Variants in EGR4 observed in about 807,000 individuals in gnomAD.
EGR4 encodes the protein early growth response protein 4.
In EGR4, 22 loss-of-function variants were observed where a neutral mutation model predicts 25.4. The observed-to-expected ratio is 0.87, with a 90% CI of 0.62 to 1.24. EGR4 has a LOEUF of 1.24. Ranked by LOEUF, EGR4 falls within the 50% of genes most tolerant of loss-of-function variation. The pLI is 0.00. For missense variants in EGR4, 742 were observed against 702.9 expected (o/e 1.06, Z -0.63); for synonymous variants, 375 against 320.1 (o/e 1.17, Z -1.83).
In EGR4 at chr2:73,292,525, A is replaced by T. The variant is rs961103430; in HGVS notation, c.393T>A (p.Pro131=). Residue 131 remains proline, a synonymous_variant, in exon 2 of 2, where the codon CCT becomes CCA. Coordinates refer to ENST00000436467, the MANE Select transcript of EGR4 (RefSeq NM_001965.4). ...ASRSPLDAPF[P]AGSDALLPGP... The stretch of plus-strand genomic sequence containing the variant: ...CCGGCAGCAAGGCATCGGACCCCGC[A>T]GGAAAAGGGGCATCCAGCGGGGATC... 6.6e-7 allele frequency: 1 copy of T among 1,517,960 alleles called. No homozygotes were observed. The highest frequency in any genetic ancestry group is 1.4e-5 in the African/African-American group (1 of 71,624). 94.0% of individuals were successfully genotyped at this position (1,517,960 alleles called of 1,614,324 possible).
Position 73,291,479 on chromosome 2 carries a change from C to T in EGR4, c.1439G>A (p.Gly480Asp), listed in dbSNP as rs1689097273. The T allele has an allele frequency of 6.2e-7, 1 of 1,607,670 alleles. No individual in the cohort carries two copies. The highest frequency in any genetic ancestry group is 1.3e-5 in the African/African-American group (1 of 74,826). The change falls in exon 2 of 2, where the codon GGC (glycine) becomes GAC (aspartate). Residue 480 changes from glycine (G) to aspartate (D), a missense_variant. Gly to Asp is a moderately conservative substitution (Grantham distance 94). Coordinates refer to ENST00000436467, the MANE Select transcript of EGR4 (RefSeq NM_001965.4). Reference protein sequence around the residue: ...RLKGLGFYSLGLSFASL With the variant: ...RLKGLGFYSLDLSFASL ...TGCTCAGAGAGAAGCGAAGGAGAGG[C>T]CCAGCGAGTAAAAGCCGAGGCCCTT... is the stretch of plus-strand genomic sequence containing the variant.
At position 73,291,225 on chromosome 2, in the gene EGR4, C is replaced by A; in HGVS notation, c.*232G>T. The A allele has an allele frequency of 3.4e-6, 2 of 591,240 alleles. No individual in the cohort carries two copies. Among genetic ancestry groups the A allele is most frequent in the South Asian group, 4.6e-5 (2 of 43,222 alleles). The allele number at this position is 591,240 out of a possible 1,614,324, so 36.6% of individuals were successfully genotyped here. ...CTATTCACTGGGTGGTCTCAGAAGACTTCCCCCAAAGCGCGGCTGACAAGG... is the reference window on the plus strand; with the variant it reads ...CTATTCACTGGGTGGTCTCAGAAGAATTCCCCCAAAGCGCGGCTGACAAGG... On this transcript the variant is annotated 3_prime_UTR_variant, in exon 2 of 2. Transcript: ENST00000436467.
At position 73,293,290 on chromosome 2, in the gene EGR4, G is replaced by C. The variant is rs1322717587; in HGVS notation, c.28C>G (p.Pro10Ala). 1.9e-6 allele frequency: 3 copies of C among 1,590,124 alleles called. No individual in the cohort carries two copies. The highest frequency in any genetic ancestry group is 1.7e-6 in the Non-Finnish European group (2 of 1,170,694). ...GTGGACTTGACGAGGAGCGCGTCGG[G>C]TTCGGAAAACTCGCTAAGGTGGAGC... MLHLSEFSE[P>A]DALLVKSTEG... The change falls in exon 1 of 2, where the codon CCC becomes GCC. Residue 10 changes from proline to alanine, a missense_variant. Coordinates refer to ENST00000436467, the MANE Select transcript of EGR4 (RefSeq NM_001965.4).
In EGR4 at chr2:73,291,928, C is replaced by A; in HGVS notation, c.990G>T (p.Ala330=). ...CCACGCCACTGCTTCCAGGGATGTCCGCCACCAGAGGTTTAGGGAAGTCCG... is the reference window on the plus strand; with the variant it reads ...CCACGCCACTGCTTCCAGGGATGTCAGCCACCAGAGGTTTAGGGAAGTCCG... ...AAADFPKPLV[A]DIPGSSGVAA... Residue 330 remains alanine (A), a synonymous_variant, in exon 2 of 2, where the codon GCG becomes GCT. Transcript: ENST00000436467. 7 of 1,580,128 alleles carry A rather than the reference C, an allele frequency of 4.4e-6. No individual in the cohort carries two copies. Among genetic ancestry groups the A allele is most frequent in the Non-Finnish European group, 5.2e-6 (6 of 1,164,278 alleles).
Position 73,292,601 on chromosome 2 carries a change from G to A in EGR4, c.317C>T (p.Ser106Leu), listed in dbSNP as rs1296996754. The change falls in exon 2 of 2, where the codon TCG becomes TTG. Residue 106 changes from serine to leucine, a missense_variant. Transcript: ENST00000436467. Reference protein sequence around the residue: ...HDPEALFNLMSGILGLAPFPG... With the variant: ...HDPEALFNLMLGILGLAPFPG... ...GAAGGGTGCCAGGCCTAAGATGCCC[G>A]ACATGAGGTTGAAGAGTGCCTCCGG... 2 of 1,520,260 alleles carry A rather than the reference G, an allele frequency of 1.3e-6. No homozygotes were observed. The highest frequency in any genetic ancestry group is 1.8e-6 in the Non-Finnish European group (2 of 1,134,034). The allele number at this position is 1,520,260 out of a possible 1,614,324, so 94.2% of individuals were successfully genotyped here. A position where few individuals can be genotyped will look rare whatever the true frequency, so the allele number is the denominator to read the frequency against.
rs1210620338 is a variant in EGR4, at chr2:73,293,494, G to T, written c.-177C>A. ...TCGGGGAGCCGCGGCGCCCTCGCTC[G>T]CCCGCACCGGCCTCGGGCGGCGGCT... On this transcript the variant is annotated 5_prime_UTR_variant, in exon 1 of 2. Transcript: ENST00000436467. 1.3e-6 allele frequency: 2 copies of T among 1,485,498 alleles called. No homozygotes were observed. The highest frequency in any genetic ancestry group is 8.9e-7 in the Non-Finnish European group (1 of 1,118,300). The allele number at this position is 1,485,498 out of a possible 1,614,324, so 92.0% of individuals were successfully genotyped here. A position where few individuals can be genotyped will look rare whatever the true frequency, so the allele number is the denominator to read the frequency against.
At position 73,292,333 on chromosome 2, in the gene EGR4, C is replaced by A; in HGVS notation, c.585G>T (p.Leu195=). The change falls in exon 2 of 2, where the codon CTG becomes CTT. Residue 195 remains leucine, a synonymous_variant. Coordinates refer to ENST00000436467, the MANE Select transcript of EGR4 (RefSeq NM_001965.4). ...GLRAPPASPA[L]DAVSAFKGPY... is the part of the protein sequence containing the mutation. ...GACCCTTGAAGGCAGAGACAGCGTC[C>A]AGCGCTGGCGAGGCGGGAGGCGCCC... 1 of 1,587,844 alleles carries A rather than the reference C, an allele frequency of 6.3e-7. No homozygotes were observed. The highest frequency in any genetic ancestry group is 1.1e-5 in the South Asian group (1 of 87,744).
chr2:73,293,076 C>T, intron 1 of EGR4, 106 bp downstream of exon 1: 4 of 1,184,146 alleles, frequency 3.4e-6, no homozygotes, highest in Non-Finnish European at 4.5e-6. Flanking sequence ...CTTCCCATCG[C>T]CCCTATTCTC....
At chr2:73,292,874 T>C (rs1689140058) in intron 1 of EGR4, 93 bp from the exon 2 acceptor site, 6 of 1,297,040 alleles carry the variant, frequency 4.6e-6, no homozygotes, top group Non-Finnish European at 5.9e-6. Context: ...CCCACGGATA[T>C]ACACAAAGTG....
Position 73,291,504 on chromosome 2 carries a change from T to A in EGR4, c.1414A>T (p.Lys472Ter), listed in dbSNP as rs151119195. 1.9e-5 allele frequency: 31 copies of A among 1,612,456 alleles called. No homozygotes were observed. The highest frequency in any genetic ancestry group is 2.7e-5 in the African/African-American group (2 of 74,892). ...KQKARAEERL[K>*]GLGFYSLGLS... is the part of the protein sequence containing the mutation. ...CCCAGCGAGTAAAAGCCGAGGCCCT[T>A]GAGCCGCTCCTCGGCGCGCGCCTTC... The change falls in exon 2 of 2, where the codon AAG becomes TAG. Residue 472 changes from lysine (K) to a stop codon, truncating the protein, a stop_gained. Transcript: ENST00000436467. LOFTEE classifies it high-confidence loss of function.
intron 1 of EGR4, 73 bp downstream of exon 1, chr2:73,293,109 T>A (rs897630457): frequency 2.3e-6 from 3 of 1,333,016 alleles, no homozygotes; most frequent in Non-Finnish European, 2.9e-6. Context: ...TCCCAGTCCC[T>A]CCTGGTTCTC....
Position 73,291,351 on chromosome 2 carries a change from G to A in EGR4, c.*106C>T, listed in dbSNP as rs1414948989. The stretch of plus-strand genomic sequence containing the variant: ...AAACTGGAAGCGGGACCGGAGGCCG[G>A]CCCTCGGGCGTGCGAGGAGGAGTTG... On this transcript the variant is annotated 3_prime_UTR_variant, in exon 2 of 2. Transcript: ENST00000436467. 8.9e-6 allele frequency: 13 copies of A among 1,462,906 alleles called. No individual in the cohort carries two copies. Among genetic ancestry groups the A allele is most frequent in the African/African-American group, 4.3e-5 (3 of 70,486 alleles). 90.6% of individuals were successfully genotyped at this position (1,462,906 alleles called of 1,614,324 possible). A position where few individuals can be genotyped will look rare whatever the true frequency, so the allele number is the denominator to read the frequency against.
In EGR4 at chr2:73,291,494, C is replaced by A; in HGVS notation, c.1424G>T (p.Gly475Val). Residue 475 changes from glycine to valine, a missense_variant, in exon 2 of 2, where the codon GGC becomes GTC. Transcript: ENST00000436467. ...ARAEERLKGL[G>V]FYSLGLSFAS... Reference sequence around the variant, plus strand: ...GAAGGAGAGGCCCAGCGAGTAAAAGCCGAGGCCCTTGAGCCGCTCCTCGGC... The same window carrying A: ...GAAGGAGAGGCCCAGCGAGTAAAAGACGAGGCCCTTGAGCCGCTCCTCGGC... 1 of 1,610,414 alleles carries A rather than the reference C, an allele frequency of 6.2e-7. No individual in the cohort carries two copies. Among genetic ancestry groups the A allele is most frequent in the Non-Finnish European group, 8.5e-7 (1 of 1,177,782 alleles).
chr2:73,293,399 G>C lies in EGR4; in HGVS notation c.-82C>G, dbSNP rs910987900. On this transcript the variant is annotated 5_prime_UTR_variant, in exon 1 of 2. Coordinates refer to ENST00000436467, the MANE Select transcript of EGR4 (RefSeq NM_001965.4). The stretch of plus-strand genomic sequence containing the variant: ...CGGGTGGCGGGGAGGCTGGCGGTAG[G>C]GGTTCCCCGCAGCGCACAGACCTAG... 1 of 1,509,564 alleles carries C rather than the reference G, an allele frequency of 6.6e-7. No homozygotes were observed. The highest frequency in any genetic ancestry group is 8.8e-7 in the Non-Finnish European group (1 of 1,130,748). 93.5% of individuals were successfully genotyped at this position (1,509,564 alleles called of 1,614,324 possible). A position where few individuals can be genotyped will look rare whatever the true frequency, so the allele number is the denominator to read the frequency against.
chr2:73,292,816 C>G, intron 1 of EGR4, 35 bp from the exon 2 acceptor site: 1 of 1,395,632 alleles, frequency 7.2e-7, no homozygotes, highest in Non-Finnish European at 9.3e-7. Flanking sequence ...CTGGGCACAT[C>G]AAAGGGTGCA....
chr2:73,292,769 A>G lies in EGR4; in HGVS notation c.149T>C (p.Leu50Ser), dbSNP rs1172942832. The G allele has an allele frequency of 1.4e-6, 2 of 1,447,988 alleles. No individual in the cohort carries two copies. The highest frequency in any genetic ancestry group is 1.8e-6 in the Non-Finnish European group (2 of 1,097,724). 89.7% of individuals were successfully genotyped at this position (1,447,988 alleles called of 1,614,324 possible). A position where few individuals can be genotyped will look rare whatever the true frequency, so the allele number is the denominator to read the frequency against. ...GCCGCAGCTGTTCAAAGCCCAGCTC[A>G]AGAAGTCGCCTGCTGAGGAGGGAGC... ...ATGYPGAGDFLSWALNSCGAS... is the reference protein window; with the variant it reads ...ATGYPGAGDFSSWALNSCGAS... Residue 50 changes from leucine to serine, a missense_variant, in exon 2 of 2, where the codon TTG becomes TCG. By Grantham distance (145) the Leu-to-Ser change is moderately radical. Transcript: ENST00000436467.
Position 73,291,886 on chromosome 2 carries a change from C to A in EGR4, c.1032G>T (p.Pro344=), listed in dbSNP as rs1357125933. 6.4e-7 allele frequency: 1 copy of A among 1,571,946 alleles called. No homozygotes were observed. The highest frequency in any genetic ancestry group is 2.3e-5 in the East Asian group (1 of 42,822). ...GGGGGAAAGGGGTGGGCGGCGGCGG[C>A]GGCACGGGTGGTGCAGCCACGCCAC... is the stretch of plus-strand genomic sequence containing the variant. ...GSSGVAAPPV[P]PPPPTPFPQA... The change falls in exon 2 of 2, where the codon CCG becomes CCT. Residue 344 remains proline (P), a synonymous_variant. Coordinates refer to ENST00000436467, the MANE Select transcript of EGR4 (RefSeq NM_001965.4).
Position 73,293,171 on chromosome 2 carries a change from G to T in EGR4, c.136+11C>A. 6.7e-6 allele frequency: 10 copies of T among 1,495,950 alleles called. No individual in the cohort carries two copies. The highest frequency in any genetic ancestry group is 8.0e-6 in the Non-Finnish European group (9 of 1,119,644). The allele number at this position is 1,495,950 out of a possible 1,614,324, so 92.7% of individuals were successfully genotyped here. On this transcript the variant is annotated intron_variant, in intron 1 of 1. Coordinates refer to ENST00000436467, the MANE Select transcript of EGR4 (RefSeq NM_001965.4). ...CGTCGTCGTCTGAGCACCCCTGCTC[G>T]CCCTCCTTACCTCCAGGGTAGCCGG...
chr2:73,293,535 G>A lies in EGR4; in HGVS notation c.-218C>T. The A allele has an allele frequency of 6.7e-7, 1 of 1,493,814 alleles. No homozygotes were observed. The highest frequency in any genetic ancestry group is 8.9e-7 in the Non-Finnish European group (1 of 1,125,858). 92.5% of individuals were successfully genotyped at this position (1,493,814 alleles called of 1,614,324 possible). On this transcript the variant is annotated 5_prime_UTR_variant, in exon 1 of 2. Coordinates refer to ENST00000436467, the MANE Select transcript of EGR4 (RefSeq NM_001965.4). ...GGCGGCGGCTCCTCGCCTCTCCAAA[G>A]CGCTGCCGGGCTCCCCCAGCCCACA... is the stretch of plus-strand genomic sequence containing the variant.
Sources: gnomAD v4.1 joint callset for allele counts on GRCh38, gnomAD v4.1.1 for gene constraint, MANE v1.5 for transcripts, NCBI Gene and HGNC (gene_info 2026-07-23, HGNC 2026-07-21) for gene names.